Variants in SLCO3A1 observed in about 807,000 individuals in gnomAD.
SLCO3A1 encodes the protein solute carrier organic anion transporter family member 3A1, also known as PGE1 transporter.
Under a neutral mutation model 63.1 loss-of-function variants are expected in SLCO3A1, and 27 were observed. The observed-to-expected ratio is 0.43, with a 90% CI of 0.32 to 0.59. The LOEUF is 0.59. Among genes scored for constraint, SLCO3A1 ranks in the 20% least tolerant of loss-of-function variants. The probability of loss-of-function intolerance (pLI) is 0.09; values close to 1 mark genes in which losing one functional copy is unlikely to be tolerated. For synonymous variants in SLCO3A1, 473 were observed against 409.9 expected, an observed-to-expected ratio of 1.15 and a Z score of -1.86; for missense variants, 773 against 945.8, an observed-to-expected ratio of 0.82 and a Z score of 2.40.
intron 9 of SLCO3A1, among the ~76,000 whole-genome samples, chr15:92,152,728 T>C (rs1195501451): frequency 1.3e-5 from 2 of 152,226 alleles, no homozygotes; most frequent in African/African-American, 4.8e-5. Flanking sequence ...GGTAAAGCCA[T>C]TCCACATATG....
At chr15:92,052,038 G>A (rs1207632366) in intron 2 of SLCO3A1, among the ~76,000 whole-genome samples, 1 of 152,106 alleles carries the variant, frequency 6.6e-6, no homozygotes, top group Non-Finnish European at 1.5e-5. Flanking sequence ...TAATCCCCGG[G>A]CTCCAGGGTT....
chr15:92,150,869 G>A lies in SLCO3A1; in HGVS notation c.1689-81G>A, dbSNP rs1023809812. 69 of 936,406 alleles carry A rather than the reference G, an allele frequency of 7.4e-5. No individual in the cohort carries two copies. The African/African-American group carries it at 1.1e-3, about 15-fold the overall frequency. The allele number at this position is 936,406 out of a possible 1,614,324, so 58.0% of individuals were successfully genotyped here. On this transcript the variant is annotated intron_variant, in intron 8 of 9. Coordinates refer to ENST00000318445, the MANE Select transcript of SLCO3A1 (RefSeq NM_013272.4). ...TAAAGAAGAGCTCTGATGGACAGCA[G>A]CAAATGACTCTGGGGTCTGTTAATT...
chr15:91,917,917 C>T (rs1898716181), intron 2 of SLCO3A1, among the ~76,000 whole-genome samples: 1 of 152,140 alleles, frequency 6.6e-6, no homozygotes. Context: ...GTAGGAATAA[C>T]AGGAAGTAGA....
At chr15:92,108,023 T>A (rs2047686625) in intron 4 of SLCO3A1, among the ~76,000 whole-genome samples, 1 of 152,200 alleles carries the variant, frequency 6.6e-6, no homozygotes, top group African/African-American at 2.4e-5. Flanking sequence ...GTGGTTCGAT[T>A]TTCAGAACAT....
chr15:91,988,575 C>T (rs1300049499), intron 2 of SLCO3A1, among the ~76,000 whole-genome samples: 2 of 151,932 alleles, frequency 1.3e-5, no homozygotes, highest in East Asian at 3.9e-4. Flanking sequence ...AATCAAAATC[C>T]TGTGGGTCCT....
At chr15:92,140,668 T>A (rs947570631) in intron 7 of SLCO3A1, among the ~76,000 whole-genome samples, 1 of 152,172 alleles carries the variant, frequency 6.6e-6, no homozygotes, top group African/African-American at 2.4e-5. Context: ...GGCTCCTGTA[T>A]TGGGTGCATA....
chr15:91,969,977 A>G (rs1900800212), intron 2 of SLCO3A1, among the ~76,000 whole-genome samples: 2 of 152,314 alleles, frequency 1.3e-5, no homozygotes, highest in Admixed American at 1.3e-4. Flanking sequence ...ATCCTCCAGC[A>G]TAACATTTGC....
At chr15:92,015,348 T>TA (rs1242510935) in intron 2 of SLCO3A1, among the ~76,000 whole-genome samples, 3 of 152,042 alleles carry the variant, frequency 2.0e-5, no homozygotes, top group African/African-American at 7.2e-5. Flanking sequence ...TCAGGAAACT[T>TA]ACAATCATGT....
chr15:92,058,379 GT>G (rs2047046641), intron 2 of SLCO3A1, among the ~76,000 whole-genome samples: 1 of 152,020 alleles, frequency 6.6e-6, no homozygotes, highest in Non-Finnish European at 1.5e-5. Flanking sequence ...CTTTTATTCT[GT>G]AAGTTAAAAT....
chr15:91,947,316 CT>C (rs1899843168), intron 2 of SLCO3A1, among the ~76,000 whole-genome samples: 1 of 152,212 alleles, frequency 6.6e-6, no homozygotes, highest in South Asian at 2.1e-4. Context: ...TGAAATTCAG[CT>C]TGTGAATTCC....
intron 2 of SLCO3A1, among the ~76,000 whole-genome samples, chr15:92,079,639 C>T (rs764835172): frequency 2.6e-5 from 4 of 152,232 alleles, no homozygotes; most frequent in Non-Finnish European, 4.4e-5. Context: ...GAGGTTCCCG[C>T]GGCCAGGGCT....
At position 92,137,568 on chromosome 15, in the gene SLCO3A1, G is replaced by A. The variant is rs570587065; in HGVS notation, c.1512+9079G>A. On this transcript the variant is annotated intron_variant, in intron 7 of 9. Coordinates refer to ENST00000318445, the MANE Select transcript of SLCO3A1 (RefSeq NM_013272.4). ...TGCCACACTGACTTCCACAATGGTT[G>A]AACTAGTTCACAGTCCCACCAACTG... is the stretch of plus-strand genomic sequence containing the variant. 2.8e-5 allele frequency among the ~76,000 whole-genome samples: 3 copies of A among 108,174 alleles called. 1 individual carries two copies. The highest frequency in any genetic ancestry group is 1.5e-4 in the African/African-American group (3 of 19,932). The allele number at this position is 108,174 out of a possible 152,430, so 71.0% of individuals were successfully genotyped here. A position where few individuals can be genotyped will look rare whatever the true frequency, so the allele number is the denominator to read the frequency against.
Position 91,954,768 on chromosome 15 carries a change from T to G in SLCO3A1, c.646+38310T>G, listed in dbSNP as rs1482169944. 6.6e-6 allele frequency among the ~76,000 whole-genome samples: 1 copy of G among 152,004 alleles called. No individual in the cohort carries two copies. The highest frequency in any genetic ancestry group is 2.4e-5 in the African/African-American group (1 of 41,378). On this transcript the variant is annotated intron_variant, in intron 2 of 9. Coordinates refer to ENST00000318445, the MANE Select transcript of SLCO3A1 (RefSeq NM_013272.4). This position sits in a 1 kb window ranked among gnomAD's most constrained non-coding sequence, Gnocchi z 4.7. ...TGCGAAGCACCCTCTGCTTCCTCCT[T>G]CCTTCTCCAACAGCAAGGATCCGAG...
intron 2 of SLCO3A1, among the ~76,000 whole-genome samples, chr15:92,087,153 AC>A (rs2047415084): frequency 1.4e-5 from 1 of 71,416 alleles, no homozygotes. Flanking sequence ...TTCCCCCACC[AC>A]CCCCCTCCCT....
At chr15:92,110,818 A>C (rs1306388687) in intron 4 of SLCO3A1, among the ~76,000 whole-genome samples, 1 of 152,080 alleles carries the variant, frequency 6.6e-6, no homozygotes, top group Admixed American at 6.5e-5. Flanking sequence ...GCTTTCCCTA[A>C]AGCTCCCCTG....
chr15:92,171,888 G>C (rs1037397099), exon 11 of SLCO3A1: 1 of 1,526,490 alleles, frequency 6.6e-7, no homozygotes, highest in African/African-American at 1.4e-5. Flanking sequence ...CCTCTTCCTG[G>C]AGAGAACAGC....
At chr15:91,877,629 T>G (rs994153308) in intron 1 of SLCO3A1, among the ~76,000 whole-genome samples, 1 of 151,682 alleles carries the variant, frequency 6.6e-6, no homozygotes, top group Non-Finnish European at 1.5e-5. Flanking sequence ...AGGGAGGAAA[T>G]TTTAGGGAAG....
intron 1 of SLCO3A1, among the ~76,000 whole-genome samples, chr15:91,906,621 C>G (rs931700300): frequency 6.6e-6 from 1 of 152,146 alleles, no homozygotes; most frequent in Non-Finnish European, 1.5e-5. Flanking sequence ...TATGTCTGGT[C>G]CTCTGTACAT....
intron 2 of SLCO3A1, among the ~76,000 whole-genome samples, chr15:91,988,329 A>G (rs1052809740): frequency 1.3e-5 from 2 of 152,208 alleles, no homozygotes; most frequent in African/African-American, 4.8e-5. Flanking sequence ...TGACAGAGTG[A>G]GGCCCTGTCG....
Sources: allele counts gnomAD v4.1 joint callset (sites outside exome capture counted in the v4.1 genomes callset), GRCh38; gene constraint gnomAD v4.1.1; non-coding constraint Gnocchi (gnomAD v3.1); transcripts MANE v1.5; gene names NCBI Gene and HGNC (gene_info 2026-07-23, HGNC 2026-07-21).